The following GRIK2 variants were observed in gnomAD, a reference collection of about 807,000 sequenced individuals.
The protein encoded by GRIK2 is glutamate receptor ionotropic, kainate 2.
Under a neutral mutation model 100.3 loss-of-function variants are expected in GRIK2, and 32 were observed. That is an observed-to-expected ratio of 0.32 (90% CI 0.24 to 0.43). The LOEUF (loss-of-function observed/expected upper bound fraction) is 0.43, where lower values mean the gene tolerates loss of function less well. GRIK2 is among the 20% of genes least tolerant of loss of function. The pLI, the probability that GRIK2 is intolerant of heterozygous loss-of-function variation, is 1.00. For missense variants in GRIK2, 843 were observed against 1,114.9 expected (o/e 0.76, Z 3.47); for synonymous variants, 417 against 389.4 (o/e 1.07, Z -0.83).
chr6:101,782,525 A>G (rs538162305), intron 7 of GRIK2, among the ~76,000 whole-genome samples: 2 of 152,284 alleles, frequency 1.3e-5, no homozygotes, highest in South Asian at 4.1e-4. Flanking sequence ...TGTTGCTGCA[A>G]ATGACATGAT....
At chr6:101,972,373 A>G (rs1352623600) in intron 14 of GRIK2, among the ~76,000 whole-genome samples, 1 of 151,836 alleles carries the variant, frequency 6.6e-6, no homozygotes, top group African/African-American at 2.4e-5. Context: ...ACATTTTTTC[A>G]TATTCATTGT....
intron 7 of GRIK2, among the ~76,000 whole-genome samples, chr6:101,710,646 GA>G (rs1404364013): frequency 3.3e-5 from 5 of 151,748 alleles, no homozygotes; most frequent in Non-Finnish European, 5.9e-5. Flanking sequence ...TATTATCACT[GA>G]GGGTTGTTCA....
intron 2 of GRIK2, among the ~76,000 whole-genome samples, chr6:101,525,976 G>T (rs1775132824): frequency 6.6e-6 from 1 of 152,156 alleles, no homozygotes; most frequent in Non-Finnish European, 1.5e-5. Context: ...AATAAAATGG[G>T]AGTAAAGTAT....
chr6:101,425,703 T>G lies in GRIK2; in HGVS notation c.115+26311T>G, dbSNP rs141846093. Among the ~76,000 whole-genome samples, 909 of 152,328 alleles carry G rather than the reference T, an allele frequency of 6.0e-3. 3 individuals carry two copies. Among genetic ancestry groups the G allele is most frequent in the African/African-American group, 0.021 (860 of 41,594 alleles). On this transcript the variant is annotated intron_variant, in intron 2 of 16. Coordinates refer to ENST00000369134, the MANE Select transcript of GRIK2 (RefSeq NM_021956.5). ...CAATTCAAATTTATGATAGACTGAT[T>G]TTTACTGGCTTTGTTTGCTCTTTTC...
chr6:101,467,666 T>C (rs1435406778), intron 2 of GRIK2, among the ~76,000 whole-genome samples: 1 of 152,158 alleles, frequency 6.6e-6, no homozygotes, highest in African/African-American at 2.4e-5. Flanking sequence ...GGAAATATTT[T>C]TTACACTCCG....
intron 15 of GRIK2, among the ~76,000 whole-genome samples, chr6:102,041,680 A>ATAAT (rs1391031820): frequency 6.6e-6 from 1 of 151,610 alleles, no homozygotes; most frequent in Non-Finnish European, 1.5e-5. Flanking sequence ...CCATGTTCAC[A>ATAAT]TAATTGGATT....
chr6:101,734,468 C>T (rs1026265204), intron 7 of GRIK2, among the ~76,000 whole-genome samples: 1 of 152,178 alleles, frequency 6.6e-6, no homozygotes, highest in African/African-American at 2.4e-5. Flanking sequence ...TAAGGCCCAC[C>T]TATAATACAT....
At chr6:101,526,744 C>T (rs1775176411) in intron 2 of GRIK2, among the ~76,000 whole-genome samples, 1 of 152,194 alleles carries the variant, frequency 6.6e-6, no homozygotes, top group Admixed American at 6.5e-5. Flanking sequence ...CATCTCTGTA[C>T]ACAGGTTGTA....
chr6:101,752,690 A>T (rs1776866842), intron 7 of GRIK2, among the ~76,000 whole-genome samples: 1 of 152,196 alleles, frequency 6.6e-6, no homozygotes, highest in African/African-American at 2.4e-5. Context: ...TTATGTAGTC[A>T]TTTGCGTTAT....
In GRIK2 at chr6:102,010,340, C is replaced by T. The variant is rs138111957; in HGVS notation, c.2086-25001C>T. Among the ~76,000 whole-genome samples the T allele has an allele frequency of 2.8e-4, 42 of 149,796 alleles. 1 individual carries two copies. In the Middle Eastern group the frequency reaches 0.01, roughly 37 times the overall value. On this transcript the variant is annotated intron_variant, in intron 14 of 16. Coordinates refer to ENST00000369134, the MANE Select transcript of GRIK2 (RefSeq NM_021956.5). ...AATCCTGTGTTCTCCCTATTCATCC[C>T]GCCCTCCTTTCCTCCTCCTCCTCCT...
chr6:102,034,875 C>T (rs1287483366), intron 14 of GRIK2, among the ~76,000 whole-genome samples: 4 of 151,276 alleles, frequency 2.6e-5, no homozygotes, highest in South Asian at 2.1e-4. Flanking sequence ...ATCTGTGTTA[C>T]GTTAACCCAA....
At chr6:101,885,209 G>C (rs1347730664) in intron 11 of GRIK2, among the ~76,000 whole-genome samples, 1 of 152,018 alleles carries the variant, frequency 6.6e-6, no homozygotes, top group Non-Finnish European at 1.5e-5. Flanking sequence ...ACATGATTCT[G>C]TTTATAAATT....
intron 12 of GRIK2, among the ~76,000 whole-genome samples, chr6:101,899,592 T>C (rs925786195): frequency 2.6e-5 from 4 of 152,148 alleles, no homozygotes; most frequent in African/African-American, 9.6e-5. Flanking sequence ...ATAAGAGATG[T>C]TAAATCCTAA....
intron 2 of GRIK2, among the ~76,000 whole-genome samples, chr6:101,574,587 GTTA>G (rs1777714023): frequency 6.6e-6 from 1 of 151,288 alleles, no homozygotes; most frequent in African/African-American, 2.4e-5. Flanking sequence ...TGCACTTTAA[GTTA>G]TTAATAATTC....
intron 11 of GRIK2, among the ~76,000 whole-genome samples, chr6:101,871,788 A>G (rs1023363734): frequency 6.6e-6 from 1 of 151,978 alleles, no homozygotes; most frequent in South Asian, 2.1e-4. Context: ...GTTGATGAGC[A>G]CCTGGGTTGA....
rs545447217 is a variant in GRIK2 at position 101,524,027 on chromosome 6, C to G, written c.116-97922C>G. Among the ~76,000 whole-genome samples, 8 of 152,242 alleles carry G rather than the reference C, an allele frequency of 5.3e-5. No individual in the cohort carries two copies. The East Asian group carries it at 1.4e-3, about 26-fold the overall frequency. ...GTGAGCCACCACACCCAGCTGATTC[C>G]TAGGTCTTTTTATGCTAGGTAGGGT... On this transcript the variant is annotated intron_variant, in intron 2 of 16. Coordinates refer to ENST00000369134, the MANE Select transcript of GRIK2 (RefSeq NM_021956.5).
chr6:101,811,343 A>C (rs1781313435), intron 9 of GRIK2, among the ~76,000 whole-genome samples: 1 of 152,030 alleles, frequency 6.6e-6, no homozygotes, highest in Non-Finnish European at 1.5e-5. Flanking sequence ...ACAATCAAAT[A>C]ACTTTCTTTT....
intron 2 of GRIK2, among the ~76,000 whole-genome samples, chr6:101,466,947 GT>G (rs1771679745): frequency 6.6e-6 from 1 of 152,148 alleles, no homozygotes; most frequent in Non-Finnish European, 1.5e-5. Flanking sequence ...TAAATAACTT[GT>G]AAAAATAATT....
chr6:101,402,803 G>A (rs958073563), intron 2 of GRIK2, among the ~76,000 whole-genome samples: 1 of 152,188 alleles, frequency 6.6e-6, no homozygotes, highest in Non-Finnish European at 1.5e-5. Context: ...CGGGCACAGG[G>A]CATCCAGCGC....
Sources: gnomAD v4.1 joint callset for allele counts (sites outside exome capture counted in the v4.1 genomes callset) on GRCh38, gnomAD v4.1.1 for gene constraint, MANE v1.5 for transcripts, NCBI Gene and HGNC (gene_info 2026-07-23, HGNC 2026-07-21) for gene names.